Variants in APC observed in about 807,000 individuals in gnomAD.
APC encodes APC regulator of Wnt signaling pathway, also known as adenomatous polyposis coli protein.
Under a neutral mutation model 247.0 loss-of-function variants are expected in APC, and 72 were observed. The observed-to-expected ratio is 0.29, with a 90% confidence interval of 0.24 to 0.35. The LOEUF is 0.35. Among genes scored for constraint, APC ranks in the 10% least tolerant of loss-of-function variants. The probability of loss-of-function intolerance (pLI) is 1.00; values close to 1 mark genes in which losing one functional copy is unlikely to be tolerated. For synonymous variants in APC, 1,254 were observed against 1,162.5 expected (o/e 1.08, Z -1.60); for missense variants, 3,400 against 3,360.7 (o/e 1.01, Z -0.29).
intron 5 of APC, among the ~76,000 whole-genome samples, chr5:112,779,884 A>G (rs1258565917): frequency 6.6e-6 from 1 of 152,188 alleles, no homozygotes; most frequent in Non-Finnish European, 1.5e-5. Context: ...TGACAACACA[A>G]TTTGGAGTTC....
At chr5:112,737,481 A>G (rs1752468575), upstream of APC, among the ~76,000 whole-genome samples, 4 of 152,244 alleles carry the variant, frequency 2.6e-5, no homozygotes, top group South Asian at 8.3e-4. Context: ...AATTCATTTA[A>G]TATTATTGTT....
chr5:112,762,522 A>G (rs1272374239), intron 2 of APC, among the ~76,000 whole-genome samples: 2 of 152,222 alleles, frequency 1.3e-5, no homozygotes, highest in African/African-American at 2.4e-5. Flanking sequence ...TTTAAAAACA[A>G]TGAACTGATA....
intron 2 of APC, among the ~76,000 whole-genome samples, chr5:112,765,681 G>A (rs1430617102): frequency 1.5e-5 from 2 of 133,082 alleles, no homozygotes. Context: ...AAGAGCCAAA[G>A]TTCACAAATG....
upstream of APC, among the ~76,000 whole-genome samples, chr5:112,735,732 T>G (rs1423709534): frequency 6.6e-6 from 1 of 152,160 alleles, no homozygotes; most frequent in Non-Finnish European, 1.5e-5. Flanking sequence ...GTGGAATCTC[T>G]AAAAATAAGA....
intron 9 of APC, among the ~76,000 whole-genome samples, chr5:112,816,623 G>A (rs531482122): frequency 1.3e-5 from 2 of 151,808 alleles, no homozygotes; most frequent in Admixed American, 6.6e-5. Context: ...GTGAAACCCC[G>A]TCTCTACTAA....
intron 8 of APC, among the ~76,000 whole-genome samples, chr5:112,805,717 A>G (rs1404265857): frequency 3.3e-5 from 5 of 152,204 alleles, no homozygotes; most frequent in Non-Finnish European, 7.3e-5. Flanking sequence ...TTTGCTCAAA[A>G]GACAAAAGCC....
intron 1 of APC, among the ~76,000 whole-genome samples, chr5:112,742,795 A>G (rs1263650953): frequency 6.6e-6 from 1 of 152,204 alleles, no homozygotes; most frequent in Admixed American, 6.5e-5. Flanking sequence ...AAAGAGAGGA[A>G]TTAGGATCCA....
chr5:112,828,310 C>T (rs1310574901), intron 13 of APC, among the ~76,000 whole-genome samples: 1 of 152,144 alleles, frequency 6.6e-6, no homozygotes, highest in Non-Finnish European at 1.5e-5. Context: ...CCACACCCAG[C>T]TAATATCCTG....
chr5:112,732,368 G>T (rs958778263), intron 1 of APC, among the ~76,000 whole-genome samples: 4 of 152,102 alleles, frequency 2.6e-5, no homozygotes, highest in Admixed American at 2.0e-4. Flanking sequence ...AAAGCTCCTC[G>T]GAGTACTAAA....
At chr5:112,805,772 G>T (rs1180898035) in intron 8 of APC, among the ~76,000 whole-genome samples, 1 of 152,116 alleles carries the variant, frequency 6.6e-6, no homozygotes, top group Non-Finnish European at 1.5e-5. Context: ...ACTTTCTCAG[G>T]ATCACAGTAG....
rs140358201 is a variant in APC, at chr5:112,710,026, T to C, written c.165+2144T>C. 4.4e-3 allele frequency among the ~76,000 whole-genome samples: 670 copies of C among 152,320 alleles called. 7 individuals are homozygous for C. Among genetic ancestry groups the C allele is most frequent in the African/African-American group, 0.016 (647 of 41,566 alleles). The stretch of plus-strand genomic sequence containing the variant: ...CTGTTCTTCCAACCCATTACCCTAA[T>C]GCTGATTTCATTTGCCTCCCTGTGT... On this transcript the variant is annotated intron_variant, in intron 1 of 13. Coordinates refer to the APC transcript ENST00000507379.
chr5:112,768,504 G>A (rs543518074), intron 4 of APC, among the ~76,000 whole-genome samples: 31 of 149,424 alleles, frequency 2.1e-4, no homozygotes, highest in African/African-American at 6.4e-4. Context: ...GGCCACAAAT[G>A]AAATACTTCT....
intron 8 of APC, among the ~76,000 whole-genome samples, chr5:112,803,103 A>G (rs1313354255): frequency 1.3e-5 from 2 of 152,148 alleles, no homozygotes; most frequent in Non-Finnish European, 2.9e-5. Flanking sequence ...TGGGGGGGCC[A>G]TTTAGTTGGC....
chr5:112,757,615 C>T (rs1215511806), intron 2 of APC, among the ~76,000 whole-genome samples: 1 of 152,120 alleles, frequency 6.6e-6, no homozygotes, highest in Non-Finnish European at 1.5e-5. Context: ...TCTGTGGTCC[C>T]AGCTACTTGG....
At chr5:112,810,047 T>A (rs1464603380) in intron 8 of APC, 1 of 430,556 alleles carries the variant, frequency 2.3e-6, no homozygotes, top group Non-Finnish European at 4.6e-6. Flanking sequence ...GATGTCTAGA[T>A]GTGAACTGCC....
intron 1 of APC, among the ~76,000 whole-genome samples, chr5:112,731,652 C>T (rs371941407): frequency 2.3e-4 from 35 of 152,230 alleles, no homozygotes; most frequent in African/African-American, 7.0e-4. Flanking sequence ...TCCTCACTGA[C>T]CCTACAATAT....
chr5:112,796,478 T>A (rs1330402072), intron 7 of APC, among the ~76,000 whole-genome samples: 1 of 152,212 alleles, frequency 6.6e-6, no homozygotes. Flanking sequence ...GTAGACAGTT[T>A]AAGTACAATG....
chr5:112,788,048 A>G (rs1759168710), intron 6 of APC, among the ~76,000 whole-genome samples: 1 of 152,126 alleles, frequency 6.6e-6, no homozygotes, highest in East Asian at 1.9e-4. Context: ...CATGTATTGG[A>G]TACCGCACTA....
intron 10 of APC, among the ~76,000 whole-genome samples, chr5:112,819,901 TAGTA>T (rs1191360174): frequency 6.6e-6 from 1 of 152,018 alleles, no homozygotes; most frequent in Non-Finnish European, 1.5e-5. Flanking sequence ...GCCTCACACC[TAGTA>T]AGTGGTAGAC....
Sources: gnomAD v4.1 joint callset for allele counts (sites outside exome capture counted in the v4.1 genomes callset) on GRCh38, gnomAD v4.1.1 for gene constraint, MANE v1.5 for transcripts, NCBI Gene and HGNC (gene_info 2026-07-23, HGNC 2026-07-21) for gene names.